The following SLC38A12 variants were observed in gnomAD, a reference collection of about 807,000 sequenced individuals.
The protein encoded by SLC38A12 is putative sodium-coupled neutral amino acid transporter 12.
the SLC38A12 span, among the ~76,000 whole-genome samples, chr17:74,812,618 G>A: frequency 1.3e-5 from 2 of 151,826 alleles, no homozygotes; most frequent in South Asian, 4.2e-4. Context: ...TAACCTCCAG[G>A]ATCAGGGAGC....
the SLC38A12 span, among the ~76,000 whole-genome samples, chr17:74,826,658 T>C: frequency 6.6e-6 from 1 of 151,882 alleles, no homozygotes; most frequent in Non-Finnish European, 1.5e-5. Context: ...CCTCCTGTAG[T>C]CCCCAAAGGG....
chr17:74,808,159 A>G, the SLC38A12 span, among the ~76,000 whole-genome samples: 4 of 152,322 alleles, frequency 2.6e-5, no homozygotes, highest in East Asian at 1.9e-4. Flanking sequence ...TTGTCCTCCA[A>G]TGAGAGGCCA....
At chr17:74,780,087 C>T in the SLC38A12 span, among the ~76,000 whole-genome samples, 7 of 152,174 alleles carry the variant, frequency 4.6e-5, no homozygotes, top group East Asian at 1.9e-4. Flanking sequence ...AGGTCACGCC[C>T]GACAGAAGGG....
chr17:74,802,326 C>T, the SLC38A12 span, among the ~76,000 whole-genome samples: 2 of 152,192 alleles, frequency 1.3e-5, no homozygotes, highest in African/African-American at 2.4e-5. Flanking sequence ...CCTAGTCCCC[C>T]GTGCCACCGC....
the SLC38A12 span, chr17:74,788,866 TC>T: frequency 6.2e-7 from 1 of 1,613,070 alleles, no homozygotes; most frequent in Non-Finnish European, 8.5e-7. Flanking sequence ...ATGGAGAACC[TC>T]AAGGTGTGTG....
chr17:74,792,145 CAAAA>C, the SLC38A12 span, among the ~76,000 whole-genome samples: 1 of 104,238 alleles, frequency 9.6e-6, no homozygotes, highest in Non-Finnish European at 2.0e-5. Context: ...GACTCCGTCT[CAAAA>C]AAAAAAAAAA....
chr17:74,837,529 G>A, the SLC38A12 span: 14 of 985,456 alleles, frequency 1.4e-5, no homozygotes, highest in Non-Finnish European at 1.7e-5. Context: ...TGGCACCTCA[G>A]CGGCTTGGCA....
At chr17:74,809,902 G>A in the SLC38A12 span, among the ~76,000 whole-genome samples, 2 of 152,208 alleles carry the variant, frequency 1.3e-5, no homozygotes, top group Non-Finnish European at 2.9e-5. Flanking sequence ...TACCTGTACC[G>A]AGAATGTGCC....
chr17:74,828,667 GCCTC>G, the SLC38A12 span, among the ~76,000 whole-genome samples: 1 of 152,176 alleles, frequency 6.6e-6, no homozygotes, highest in Non-Finnish European at 1.5e-5. Context: ...CCCAGCCAGT[GCCTC>G]CCTCACCAGA....
the SLC38A12 span, among the ~76,000 whole-genome samples, chr17:74,780,134 C>T: frequency 6.6e-6 from 1 of 152,350 alleles, no homozygotes; most frequent in South Asian, 2.1e-4. Flanking sequence ...CTGGTTCCTG[C>T]TGAAGATTGT....
At chr17:74,788,300 AT>A in the SLC38A12 span, among the ~76,000 whole-genome samples, 1 of 152,198 alleles carries the variant, frequency 6.6e-6, no homozygotes, top group African/African-American at 2.4e-5. Flanking sequence ...CCCATTTCCA[AT>A]TATCCATGCC....
chr17:74,836,126 C>T, the SLC38A12 span: 1 of 1,614,064 alleles, frequency 6.2e-7, no homozygotes, highest in Non-Finnish European at 8.5e-7. The surrounding 1 kb of genome is among the most constrained non-coding windows in gnomAD (Gnocchi z 4.2). Context: ...TGTTCCTGGA[C>T]TACGTGCTGA....
the SLC38A12 span, among the ~76,000 whole-genome samples, chr17:74,808,210 G>A: frequency 4.6e-5 from 7 of 152,334 alleles, no homozygotes; most frequent in East Asian, 3.9e-4. Flanking sequence ...CCCTGAAGGC[G>A]CCAGCCTTGA....
the SLC38A12 span, among the ~76,000 whole-genome samples, chr17:74,818,663 C>G: frequency 6.6e-6 from 1 of 152,238 alleles, no homozygotes; most frequent in East Asian, 1.9e-4. Flanking sequence ...GGGCCCGCTC[C>G]CCACATTCGT....
the SLC38A12 span, chr17:74,790,990 A>G: frequency 6.2e-7 from 1 of 1,614,038 alleles, no homozygotes; most frequent in Non-Finnish European, 8.5e-7. Context: ...TTGAAATCAC[A>G]GACCGGGTGG....
the SLC38A12 span, among the ~76,000 whole-genome samples, chr17:74,796,566 C>G: frequency 6.6e-6 from 1 of 152,222 alleles, no homozygotes; most frequent in Non-Finnish European, 1.5e-5. Flanking sequence ...TTCTTGCCCT[C>G]CTAGTCCCAC....
the SLC38A12 span, chr17:74,838,557 A>G: frequency 1.7e-6 from 2 of 1,155,984 alleles, no homozygotes; most frequent in African/African-American, 3.2e-5. Flanking sequence ...CCAGCCATGG[A>G]GTCGGTGGCC....
the SLC38A12 span, among the ~76,000 whole-genome samples, chr17:74,824,167 G>T: frequency 6.6e-6 from 1 of 152,230 alleles, no homozygotes; most frequent in Non-Finnish European, 1.5e-5. Flanking sequence ...GCTCTGGGCA[G>T]CCTCTCTGTT....
chr17:74,789,768 C>A, the SLC38A12 span, among the ~76,000 whole-genome samples: 11 of 147,510 alleles, frequency 7.5e-5, no homozygotes, highest in African/African-American at 2.8e-4. Context: ...TCACTTGAAC[C>A]TGGGAGGCAG....
Sources: allele counts gnomAD v4.1 joint callset (sites outside exome capture counted in the v4.1 genomes callset), GRCh38; gene constraint gnomAD v4.1.1; non-coding constraint Gnocchi (gnomAD v3.1); transcripts MANE v1.5; gene names NCBI Gene and HGNC (gene_info 2026-07-23, HGNC 2026-07-21).